TTC3: variants seen among roughly 807,000 people sequenced by gnomAD.
TTC3 encodes tetratricopeptide repeat domain 3.
Under a neutral mutation model 249.6 loss-of-function variants are expected in TTC3, and 180 were observed. That is an observed-to-expected ratio of 0.72 (90% CI 0.64 to 0.82). The LOEUF (loss-of-function observed/expected upper bound fraction) is 0.82. Ranked by LOEUF, TTC3 falls within the 40% of genes least tolerant of loss-of-function variation. The probability of loss-of-function intolerance (pLI) is 0.00; values close to 1 mark genes in which losing one functional copy is unlikely to be tolerated. For synonymous variants in TTC3, 717 were observed against 805.0 expected, an observed-to-expected ratio of 0.89 and a Z score of 1.85; for missense variants, 2,061 against 2,398.4, an observed-to-expected ratio of 0.86 and a Z score of 2.94.
exon 33 of TTC3, chr21:37,165,584 T>G (rs1307433721): frequency 6.2e-7 from 1 of 1,611,100 alleles, no homozygotes. Flanking sequence ...ACATGGTCCC[T>G]TGGACATGAG....
At chr21:37,129,822 T>C (rs560990748) in intron 16 of TTC3, among the ~76,000 whole-genome samples, 13 of 152,232 alleles carry the variant, frequency 8.5e-5, no homozygotes, top group African/African-American at 3.1e-4. Context: ...AAACTAAATG[T>C]TTTTTAGAGA....
chr21:37,098,708 A>G (rs986420164), intron 10 of TTC3: 1 of 152,158 alleles, frequency 6.6e-6, no homozygotes, highest in African/African-American at 2.4e-5. Context: ...TGATTTGCTC[A>G]GTAATGTAGG....
chr21:37,077,970 A>T lies in TTC3; in HGVS notation c.-12+4606A>T, dbSNP rs78007834. On this transcript the variant is annotated intron_variant, in intron 1 of 45. Transcript: ENST00000355666. The stretch of plus-strand genomic sequence containing the variant: ...GTTTCTTTTTAGAGGTTTTAAAATG[A>T]TGTCTTCCACATTTAAGTTCATAAT... Among the ~76,000 whole-genome samples, 867 of 152,226 alleles carry T rather than the reference A, an allele frequency of 5.7e-3. 9 individuals carry two copies. The highest frequency in any genetic ancestry group is 0.02 in the African/African-American group (827 of 41,534).
intron 27 of TTC3, 115 bp downstream of exon 27, chr21:37,153,392 A>T: frequency 9.7e-7 from 1 of 1,031,638 alleles, no homozygotes; most frequent in Non-Finnish European, 1.4e-6. Flanking sequence ...CAGGACTATA[A>T]ATTTGTATGG....
At chr21:37,179,791 G>A (rs2082592314) in intron 35 of TTC3, among the ~76,000 whole-genome samples, 1 of 152,078 alleles carries the variant, frequency 6.6e-6, no homozygotes, top group South Asian at 2.1e-4. Flanking sequence ...CATGCCACCA[G>A]CCCCAGAAGG....
At chr21:37,163,926 C>A in intron 31 of TTC3, 125 bp from the exon 32 acceptor site, 1 of 1,055,804 alleles carries the variant, frequency 9.5e-7, no homozygotes, top group Non-Finnish European at 1.3e-6. Context: ...TATTTTTTTG[C>A]AACATAGAGC....
intron 41 of TTC3, among the ~76,000 whole-genome samples, 173 bp downstream of exon 41, chr21:37,192,386 A>G (rs915391581): frequency 1.3e-5 from 2 of 152,176 alleles, no homozygotes; most frequent in Non-Finnish European, 2.9e-5. Context: ...ACATTCTTAT[A>G]TAAAATAGAT....
chr21:37,181,662 T>C (rs2082772816), intron 35 of TTC3, among the ~76,000 whole-genome samples: 1 of 152,232 alleles, frequency 6.6e-6, no homozygotes, highest in African/African-American at 2.4e-5. Flanking sequence ...ATCCCTGCTG[T>C]AGGATTCAGA....
At chr21:37,195,301 G>C (rs562680925) in intron 41 of TTC3, among the ~76,000 whole-genome samples, 1 of 152,178 alleles carries the variant, frequency 6.6e-6, no homozygotes, top group African/African-American at 2.4e-5. Context: ...GATGGAGACA[G>C]CTCTGGGGAG....
intron 26 of TTC3, 83 bp downstream of exon 26, chr21:37,152,112 C>G (rs1007553418): frequency 7.6e-6 from 10 of 1,324,076 alleles, no homozygotes; most frequent in Non-Finnish European, 1.0e-5. Flanking sequence ...GCCTTATATT[C>G]ATCATTATTG....
At chr21:37,191,388 T>C in exon 40 of TTC3, 3 of 1,589,410 alleles carry the variant, frequency 1.9e-6, no homozygotes, top group Non-Finnish European at 2.6e-6. Context: ...GGGAATTGTT[T>C]CTTTCTAATG....
intron 10 of TTC3, among the ~76,000 whole-genome samples, chr21:37,103,685 C>T (rs556674730): frequency 6.6e-6 from 1 of 152,220 alleles, no homozygotes; most frequent in East Asian, 1.9e-4. Context: ...TATTGGGGTT[C>T]TGTTGATGGA....
rs577985967 is a variant in TTC3 at position 37,130,078 on chromosome 21, C to T, written c.1358+1015C>T. Among the ~76,000 whole-genome samples the T allele has an allele frequency of 1.5e-3, 221 of 152,254 alleles. 2 individuals carry two copies. The highest frequency in any genetic ancestry group is 4.9e-3 in the African/African-American group (202 of 41,552). On this transcript the variant is annotated intron_variant, in intron 16 of 45. Transcript: ENST00000355666. ...AGAAACAGCAAAGCCATGTCTGCCACAATACACTGGTTTTCAATTTCTTCT... is the reference window on the plus strand; with the variant it reads ...AGAAACAGCAAAGCCATGTCTGCCATAATACACTGGTTTTCAATTTCTTCT...
intron 10 of TTC3, chr21:37,097,884 A>G (rs943165023): frequency 1.0e-5 from 7 of 698,112 alleles, no homozygotes; most frequent in East Asian, 8.2e-5. Context: ...TAAAAATAAC[A>G]TTTATTGTGT....
intron 37 of TTC3, among the ~76,000 whole-genome samples, chr21:37,186,270 T>C (rs1054883375): frequency 6.6e-6 from 1 of 151,992 alleles, no homozygotes; most frequent in African/African-American, 2.4e-5. Flanking sequence ...TGATAAGCAG[T>C]TGCATTCTGC....
chr21:37,085,417 G>C (rs140563075), intron 1 of TTC3, among the ~76,000 whole-genome samples: 3 of 152,328 alleles, frequency 2.0e-5, no homozygotes, highest in African/African-American at 7.2e-5. Context: ...CCTAATGAAA[G>C]CAGTTTCCCT....
At chr21:37,085,785 A>G (rs1349827715) in intron 1 of TTC3, 2 of 152,198 alleles carry the variant, frequency 1.3e-5, no homozygotes, top group East Asian at 1.9e-4. Flanking sequence ...GGAAAGAGAA[A>G]AACACTGAAC....
intron 16 of TTC3, 75 bp downstream of exon 16, chr21:37,129,138 T>C: frequency 3.8e-6 from 4 of 1,064,250 alleles, no homozygotes; most frequent in Non-Finnish European, 5.4e-6. Flanking sequence ...AAAATTGTTT[T>C]TCGAGTATTA....
chr21:37,162,954 A>C (rs1783035), intron 31 of TTC3, among the ~76,000 whole-genome samples: 152,203 of 152,204 alleles, frequency 1, 76,101 homozygotes, highest in Middle Eastern at 1. Context: ...TATAAGGGCA[A>C]TAAGTCCATT....
Sources: gnomAD v4.1 joint callset for allele counts (sites outside exome capture counted in the v4.1 genomes callset) on GRCh38, gnomAD v4.1.1 for gene constraint, MANE v1.5 for transcripts, NCBI Gene and HGNC (gene_info 2026-07-23, HGNC 2026-07-21) for gene names.